The following INPP4B variants were observed in gnomAD, a reference collection of about 807,000 sequenced individuals.
INPP4B encodes the protein inositol polyphosphate-4-phosphatase type II B.
In INPP4B, 55 loss-of-function variants were observed where a neutral mutation model predicts 122.5. The ratio of observed to expected loss-of-function variants is 0.45; its 90% confidence interval spans 0.36 to 0.56. The LOEUF (loss-of-function observed/expected upper bound fraction) is 0.56, where lower values mean the gene tolerates loss of function less well. Ranked by LOEUF, INPP4B falls within the 20% of genes least tolerant of loss-of-function variation. The pLI is 0.00. For missense variants in INPP4B, 1,000 were observed against 1,097.7 expected (o/e 0.91, Z 1.26); for synonymous variants, 403 against 388.7 (o/e 1.04, Z -0.43).
rs1042686763 is a variant in INPP4B, at chr4:142,557,833, T to C, written c.-190-95107A>G. Among the ~76,000 whole-genome samples the C allele has an allele frequency of 3.3e-5, 5 of 152,218 alleles. No homozygotes were observed. In the East Asian group the frequency reaches 9.6e-4, roughly 29 times the overall value. Reference sequence around the variant, plus strand: ...TAGGGTTCCCCACTCTAATGAGCTGTCTGTTCTTGCAGAGTTTCTAGTTCT... The same window carrying C: ...TAGGGTTCCCCACTCTAATGAGCTGCCTGTTCTTGCAGAGTTTCTAGTTCT... On this transcript the variant is annotated intron_variant, in intron 2 of 25. Transcript: ENST00000262992.
intron 2 of INPP4B, among the ~76,000 whole-genome samples, chr4:142,699,731 G>A (rs1036743549): frequency 9.9e-5 from 15 of 152,052 alleles, no homozygotes; most frequent in African/African-American, 3.6e-4. Flanking sequence ...GAAAATATAA[G>A]CAACTGGAAG....
At chr4:142,301,576 A>C (rs17015869) in intron 9 of INPP4B, among the ~76,000 whole-genome samples, 33,445 of 152,136 alleles carry the variant, frequency 0.22, 4,901 homozygotes, top group African/African-American at 0.42. Flanking sequence ...TAATGCATGA[A>C]AAGTACCTCA....
intron 2 of INPP4B, among the ~76,000 whole-genome samples, chr4:142,618,046 A>G (rs1441338010): frequency 6.6e-6 from 1 of 152,164 alleles, no homozygotes. Context: ...TTTAAAGGGA[A>G]TTAAAGAAAG....
At chr4:142,062,299 C>CCACACCAT (rs201838135) in intron 25 of INPP4B, among the ~76,000 whole-genome samples, 3,845 of 152,058 alleles carry the variant, frequency 0.025, 185 homozygotes, top group African/African-American at 0.088. Flanking sequence ...CATCACAGCA[C>CCACACCAT]CACACCATCA....
chr4:142,796,867 G>GGTGTGTGTGTGT (rs1561079297), intron 1 of INPP4B, among the ~76,000 whole-genome samples: 2 of 128,758 alleles, frequency 1.6e-5, no homozygotes, highest in African/African-American at 6.8e-5. Flanking sequence ...GCGGAAAACA[G>GGTGTGTGTGTGT]ATGTGTGTGT....
chr4:142,695,958 A>T lies in INPP4B; in HGVS notation c.-191+29881T>A, dbSNP rs1760963338. On this transcript the variant is annotated intron_variant, in intron 2 of 25. Transcript: ENST00000262992. Reference sequence around the variant, plus strand: ...TCTCAAGGGAAAGGCGGGCCAGGATAATCCAAAACCTAGACACTGTGGATC... The same window carrying T: ...TCTCAAGGGAAAGGCGGGCCAGGATTATCCAAAACCTAGACACTGTGGATC... Among the ~76,000 whole-genome samples, 7 of 152,244 alleles carry T rather than the reference A, an allele frequency of 4.6e-5. No individual in the cohort carries two copies. In the South Asian group the frequency reaches 1.5e-3, roughly 32 times the overall value.
intron 2 of INPP4B, among the ~76,000 whole-genome samples, chr4:142,642,647 A>T (rs994401980): frequency 4.6e-5 from 7 of 152,204 alleles, no homozygotes; most frequent in African/African-American, 7.2e-5. Context: ...TGGTACCAGT[A>T]CCATGCTGTT....
intron 1 of INPP4B, among the ~76,000 whole-genome samples, chr4:142,781,057 T>C (rs958712040): frequency 3.9e-5 from 6 of 152,190 alleles, no homozygotes; most frequent in African/African-American, 1.4e-4. Flanking sequence ...TGCGGTTCTT[T>C]AGGTACATGC....
rs1006324075 is a variant in INPP4B at position 142,533,647 on chromosome 4, C to A, written c.-190-70921G>T. On this transcript the variant is annotated intron_variant, in intron 2 of 25. Transcript: ENST00000262992. ...CTAAAAACAGTTCGAGATTCAGGAA[C>A]AAAGTTAGTGAATCAGGGCAAAAAC... Among the ~76,000 whole-genome samples, 36 of 152,110 alleles carry A rather than the reference C, an allele frequency of 2.4e-4. No individual in the cohort carries two copies. The South Asian group carries it at 4.0e-3, about 17-fold the overall frequency.
intron 25 of INPP4B, among the ~76,000 whole-genome samples, chr4:142,056,661 G>A (rs1757866617): frequency 6.6e-6 from 1 of 152,072 alleles, no homozygotes; most frequent in African/African-American, 2.4e-5. Context: ...TGGTAACAAA[G>A]TGCCGAAAAT....
At chr4:142,472,865 A>T (rs1819129110) in intron 2 of INPP4B, among the ~76,000 whole-genome samples, 1 of 152,190 alleles carries the variant, frequency 6.6e-6, no homozygotes, top group Non-Finnish European at 1.5e-5. Context: ...TTGTATTTTG[A>T]AAAGAAAAAC....
At chr4:142,784,736 G>GGTTT (rs1398953906) in intron 1 of INPP4B, among the ~76,000 whole-genome samples, 3 of 150,520 alleles carry the variant, frequency 2.0e-5, no homozygotes, top group Non-Finnish European at 3.0e-5. Context: ...GTTTTTTTTT[G>GGTTT]GTTTGTTTGT....
rs371624051 is a variant in INPP4B at position 142,733,864 on chromosome 4, T to G, written c.-253-7963A>C. On this transcript the variant is annotated intron_variant, in intron 1 of 25. Coordinates refer to ENST00000262992, the MANE Select transcript of INPP4B (RefSeq NM_001101669.3). ...CCCAAATTTCCATAAACAGTAAAGC[T>G]GATTAATAAATTAAGATATATTCAT... Among the ~76,000 whole-genome samples the G allele has an allele frequency of 2.6e-5, 4 of 152,146 alleles. No homozygotes were observed. The East Asian group carries it at 7.7e-4, about 29-fold the overall frequency.
intron 2 of INPP4B, among the ~76,000 whole-genome samples, chr4:142,597,362 T>C (rs1341947358): frequency 6.6e-6 from 1 of 152,088 alleles, no homozygotes; most frequent in African/African-American, 2.4e-5. Flanking sequence ...TTACTGGGGG[T>C]AGGGATTAGG....
intron 2 of INPP4B, among the ~76,000 whole-genome samples, chr4:142,531,216 T>C (rs1239986950): frequency 6.6e-6 from 1 of 151,358 alleles, no homozygotes; most frequent in Non-Finnish European, 1.5e-5. Context: ...AAGTCATTAC[T>C]AATAGTCATG....
intron 1 of INPP4B, among the ~76,000 whole-genome samples, chr4:142,737,084 CTT>C (rs1249050536): frequency 6.6e-6 from 1 of 152,178 alleles, no homozygotes; most frequent in Non-Finnish European, 1.5e-5. Context: ...CTACAAATGA[CTT>C]TCTTCACAGA....
intron 7 of INPP4B, among the ~76,000 whole-genome samples, chr4:142,386,302 T>A (rs902363984): frequency 1.3e-5 from 2 of 152,210 alleles, no homozygotes; most frequent in Non-Finnish European, 2.9e-5. Flanking sequence ...TGCTACCATA[T>A]CTTAGCTATT....
intron 7 of INPP4B, among the ~76,000 whole-genome samples, chr4:142,393,943 G>A (rs1027800929): frequency 6.6e-6 from 1 of 152,152 alleles, no homozygotes; most frequent in Non-Finnish European, 1.5e-5. Context: ...ATCTTTCATT[G>A]CTCAATTAAA....
In INPP4B at chr4:142,124,627, C is replaced by T. The variant is rs2152759363; in HGVS notation, c.1854G>A (p.Leu618=). 6.2e-7 allele frequency: 1 copy of T among 1,613,562 alleles called. No homozygotes were observed. The stretch of plus-strand genomic sequence containing the variant: ...CGATGTCTCTTCTTAGCGTCAGCAT[C>T]AGACACTGGGGCAAGCTGTACGCAA... ...QELAYSLPQC[L]MLTLRRDIVF... The change falls in exon 19 of 26, where the codon CTG becomes CTA. Residue 618 remains leucine (L), a synonymous_variant. Transcript: ENST00000262992.
Sources: allele counts gnomAD v4.1 joint callset (sites outside exome capture counted in the v4.1 genomes callset), GRCh38; gene constraint gnomAD v4.1.1; transcripts MANE v1.5; gene names NCBI Gene and HGNC (gene_info 2026-07-23, HGNC 2026-07-21).